ARHGEF10: variants seen among roughly 807,000 people sequenced by gnomAD.
The protein encoded by ARHGEF10 is Rho guanine nucleotide exchange factor (GEF) 10.
Under a neutral mutation model 147.4 loss-of-function variants are expected in ARHGEF10, and 140 were observed. The ratio of observed to expected loss-of-function variants is 0.95; its 90% CI spans 0.83 to 1.09. The LOEUF is 1.09. Among genes scored for constraint, ARHGEF10 ranks in the 50% least tolerant of loss-of-function variants. ARHGEF10 has a pLI of 0.00. For missense variants in ARHGEF10, 2,222 were observed against 1,752.7 expected (o/e 1.27, Z -4.78); for synonymous variants, 902 against 695.8 (o/e 1.30, Z -4.67).
intron 2 of ARHGEF10, 100 bp downstream of exon 2, chr8:1,843,536 T>TA: frequency 1.1e-6 from 1 of 918,772 alleles, no homozygotes; most frequent in Non-Finnish European, 1.7e-6. Context: ...GTCACTGGGG[T>TA]ATGGGGTGGA....
intron 18 of ARHGEF10, among the ~76,000 whole-genome samples, chr8:1,917,503 A>G: frequency 6.6e-6 from 1 of 152,116 alleles, no homozygotes; most frequent in Non-Finnish European, 1.5e-5. Flanking sequence ...TGATCTGGCC[A>G]CACAAACCCT....
Position 1,857,940 on chromosome 8 carries a change from G to T in ARHGEF10, c.38-20G>T. 6.3e-7 allele frequency: 1 copy of T among 1,589,904 alleles called. No individual in the cohort carries two copies. Among genetic ancestry groups the T allele is most frequent in the Non-Finnish European group, 8.6e-7 (1 of 1,159,660 alleles). ...TATCTATCTATCTCTCCTTGATGTG[G>T]TTTTGGTTTTTCTTTTTAGAAAATG... On this transcript the variant is annotated intron_variant, in intron 2 of 28. Coordinates refer to ENST00000349830, the MANE Select transcript of ARHGEF10 (RefSeq NM_014629.4).
At chr8:1,935,746 G>T (rs778043252) in intron 26 of ARHGEF10, among the ~76,000 whole-genome samples, 5 of 152,236 alleles carry the variant, frequency 3.3e-5, no homozygotes, top group African/African-American at 1.2e-4. Context: ...AAACACTTGG[G>T]AGTGTCCTAA....
intron 8 of ARHGEF10, among the ~76,000 whole-genome samples, chr8:1,878,610 G>A (rs62477529): frequency 0.2 from 30,712 of 152,038 alleles, 3,187 homozygotes; most frequent in African/African-American, 0.23. Context: ...ATGGAGGCTC[G>A]GTGTGTGCCT....
intron 18 of ARHGEF10, among the ~76,000 whole-genome samples, chr8:1,909,694 G>C (rs1220236490): frequency 6.6e-6 from 1 of 152,228 alleles, no homozygotes. Flanking sequence ...GGCTCCTTCG[G>C]GTTCGGGCCG....
intron 8 of ARHGEF10, among the ~76,000 whole-genome samples, chr8:1,877,254 G>C (rs545476278): frequency 6.6e-6 from 1 of 152,206 alleles, no homozygotes; most frequent in South Asian, 2.1e-4. Flanking sequence ...TTGAGATGGA[G>C]TCTCGTTCTG....
chr8:1,869,780 A>C, intron 7 of ARHGEF10: 1 of 200,652 alleles, frequency 5.0e-6, no homozygotes. Context: ...TGGAGAGAAA[A>C]CATGGCTGCC....
At chr8:1,825,497 C>T (rs1802717951) in intron 1 of ARHGEF10, among the ~76,000 whole-genome samples, 2 of 142,086 alleles carry the variant, frequency 1.4e-5, no homozygotes, top group South Asian at 2.3e-4. Flanking sequence ...CCCCAGCTGT[C>T]CCCCCCGTAC....
At chr8:1,864,280 A>G (rs989932683) in intron 4 of ARHGEF10, 93 bp from the exon 5 acceptor site, 7 of 1,272,666 alleles carry the variant, frequency 5.5e-6, no homozygotes, top group Non-Finnish European at 8.0e-6. Flanking sequence ...GATTGATAGG[A>G]AAGTGTGAAA....
At chr8:1,918,546 TATAC>T (rs1811939204) in intron 18 of ARHGEF10, among the ~76,000 whole-genome samples, 1 of 152,054 alleles carries the variant, frequency 6.6e-6, no homozygotes, top group Non-Finnish European at 1.5e-5. Flanking sequence ...CAAATAATCA[TATAC>T]ATGTATGGTT....
chr8:1,918,630 C>A (rs13250852), intron 18 of ARHGEF10, among the ~76,000 whole-genome samples: 114,727 of 152,190 alleles, frequency 0.75, 43,336 homozygotes, highest in East Asian at 0.86. Flanking sequence ...CTTATGCCTT[C>A]CTTCACACAC....
intron 18 of ARHGEF10, among the ~76,000 whole-genome samples, chr8:1,912,415 A>G (rs1293094014): frequency 6.7e-6 from 1 of 149,880 alleles, no homozygotes; most frequent in Non-Finnish European, 1.5e-5. Context: ...TAGACTCAGT[A>G]GGGAGCTCAC....
At chr8:1,862,952 G>C (rs1371580162) in intron 4 of ARHGEF10, among the ~76,000 whole-genome samples, 1 of 151,052 alleles carries the variant, frequency 6.6e-6, no homozygotes, top group Non-Finnish European at 1.5e-5. Context: ...CTAATTTTTT[G>C]TATTTTTTTT....
At position 1,869,154 on chromosome 8, in the gene ARHGEF10, G is replaced by C. The variant is rs763608846; in HGVS notation, c.623-40G>C. On this transcript the variant is annotated intron_variant, in intron 6 of 28. Transcript: ENST00000349830. ...TAAAATTTAAATTGCACTAGGTTTT[G>C]TTGGTCACTGTTTAAAGTGTTTCTC... The C allele has an allele frequency of 1.9e-6, 3 of 1,570,066 alleles. No individual in the cohort carries two copies. In the South Asian group the frequency reaches 3.3e-5, roughly 17 times the overall value.
rs564034014 is a variant in ARHGEF10, at chr8:1,858,261, G to T, written c.193+146G>T. On this transcript the variant is annotated intron_variant, in intron 3 of 28. Coordinates refer to ENST00000349830, the MANE Select transcript of ARHGEF10 (RefSeq NM_014629.4). ...GTGGGTCCCCAGGTGAGTCCCCTGG[G>T]GGGTTCCCAGGTGAGTCCGCAGATC... is the stretch of plus-strand genomic sequence containing the variant. 3,966 of 479,576 alleles carry T rather than the reference G, an allele frequency of 8.3e-3. 15 individuals are homozygous for T. Among genetic ancestry groups the T allele is most frequent in the Non-Finnish European group, 9.9e-3 (2,960 of 298,212 alleles). The allele number at this position is 479,576 out of a possible 1,614,324, so 29.7% of individuals were successfully genotyped here. A position where few individuals can be genotyped will look rare whatever the true frequency, so the allele number is the denominator to read the frequency against.
At position 1,838,745 on chromosome 8, in the gene ARHGEF10, C is replaced by T. The variant is rs79704644; in HGVS notation, c.-47-4608C>T. Among the ~76,000 whole-genome samples, 1,044 of 152,254 alleles carry T rather than the reference C, an allele frequency of 6.9e-3. 54 individuals are homozygous for T. The East Asian group carries it at 0.12, about 18-fold the overall frequency. On this transcript the variant is annotated intron_variant, in intron 1 of 28. Transcript: ENST00000349830. ...GCCGTCCACCGTGGGGACTGTGCAG[C>T]GTGGGGGCCATCTGGCATGGGGGCT...
At chr8:1,844,546 G>T (rs946458701) in intron 2 of ARHGEF10, among the ~76,000 whole-genome samples, 1 of 139,336 alleles carries the variant, frequency 7.2e-6, no homozygotes, top group African/African-American at 2.7e-5. Context: ...GGGGTCTGCG[G>T]TGGGGAACCA....
intron 13 of ARHGEF10, 72 bp downstream of exon 13, chr8:1,894,644 G>T: frequency 6.4e-7 from 1 of 1,557,010 alleles, no homozygotes; most frequent in South Asian, 1.1e-5. Context: ...TTCTTAGGCT[G>T]ATGTTTTGCC....
intron 18 of ARHGEF10, among the ~76,000 whole-genome samples, chr8:1,918,655 T>C (rs1452446654): frequency 1.3e-5 from 2 of 152,368 alleles, no homozygotes; most frequent in Non-Finnish European, 2.9e-5. Context: ...CATTTGTTCA[T>C]GGTGAGAACC....
Sources: allele counts gnomAD v4.1 joint callset (sites outside exome capture counted in the v4.1 genomes callset), GRCh38; gene constraint gnomAD v4.1.1; transcripts MANE v1.5; gene names NCBI Gene and HGNC (gene_info 2026-07-23, HGNC 2026-07-21).